The following CANX variants were observed in gnomAD, a reference collection of about 807,000 sequenced individuals.
CANX encodes epididymis secretory sperm binding protein.
A neutral mutation model predicts 75.7 loss-of-function variants in CANX; 14 were observed. The observed-to-expected ratio is 0.19, with a 90% confidence interval of 0.12 to 0.29. CANX has a LOEUF of 0.29. Among genes scored for constraint, CANX ranks in the 10% least tolerant of loss-of-function variants. The pLI, the probability that CANX is intolerant of heterozygous loss-of-function variation, is 1.00. For synonymous variants in CANX, 227 were observed against 236.9 expected, an observed-to-expected ratio of 0.96 and a Z score of 0.38; for missense variants, 567 against 713.2, an observed-to-expected ratio of 0.79 and a Z score of 2.34.
rs750534239 is a variant in CANX at position 179,706,323 on chromosome 5, T to A, written c.237T>A (p.Thr79=). 1 of 1,574,256 alleles carries A rather than the reference T, an allele frequency of 6.4e-7. No homozygotes were observed. The highest frequency in any genetic ancestry group is 1.3e-5 in the African/African-American group (1 of 74,088). Residue 79 remains threonine (T), a synonymous_variant, in exon 3 of 15, where the codon ACT becomes ACA. Transcript: ENST00000247461. The part of the protein sequence containing the change: ...VYFADSFDRG[T]LSGWILSKAK... Reference sequence around the variant, plus strand: ...TTGCTGATTCTTTTGACAGAGGAACTCTGTCAGGGTAAGTGTTTTCCAGAG... The same window carrying A: ...TTGCTGATTCTTTTGACAGAGGAACACTGTCAGGGTAAGTGTTTTCCAGAG...
At chr5:179,700,268 G>A (rs897383090) in intron 1 of CANX, 3 of 152,172 alleles carry the variant, frequency 2.0e-5, no homozygotes, top group Non-Finnish European at 4.4e-5. Context: ...ATTAACCATA[G>A]TTAAGTCTTT....
intron 1 of CANX, among the ~76,000 whole-genome samples, chr5:179,684,956 T>TTTTTTTTTTTTTTTA (rs1776163257): frequency 1.0e-5 from 1 of 98,932 alleles, no homozygotes; most frequent in Non-Finnish European, 2.1e-5. Context: ...TTTTTTTTTT[T>TTTTTTTTTTTTTTTA]ACTAGAGACA....
chr5:179,683,478 T>G (rs1224505347), intron 1 of CANX, among the ~76,000 whole-genome samples: 1 of 151,822 alleles, frequency 6.6e-6, no homozygotes. Flanking sequence ...TTCGATAATT[T>G]GTTATGTGAA....
chr5:179,679,065 GATCGGCCCA>G, intron 1 of CANX: 1 of 1,535,038 alleles, frequency 6.5e-7, no homozygotes, highest in East Asian at 2.4e-5. Context: ...CGCGAGATGT[GATCGGCCCA>G]AAACTGCTGC....
At chr5:179,685,781 C>G (rs1227880317) in intron 1 of CANX, among the ~76,000 whole-genome samples, 1 of 151,930 alleles carries the variant, frequency 6.6e-6, no homozygotes, top group African/African-American at 2.4e-5. Context: ...TCTCAAACTC[C>G]AGACTTCAGG....
chr5:179,679,127 TC>T, intron 1 of CANX: 1 of 1,535,620 alleles, frequency 6.5e-7, no homozygotes, highest in Non-Finnish European at 8.7e-7. Flanking sequence ...AGCCGAGCAC[TC>T]GAAGGTTGCC....
chr5:179,711,274 T>A (rs1321969423), intron 7 of CANX, among the ~76,000 whole-genome samples: 1 of 151,886 alleles, frequency 6.6e-6, no homozygotes, highest in Non-Finnish European at 1.5e-5. Context: ...TCTTAAGAAT[T>A]AACTGAGTAT....
intron 1 of CANX, among the ~76,000 whole-genome samples, chr5:179,689,684 C>T (rs6601065): frequency 0.25 from 38,592 of 152,036 alleles, 5,107 homozygotes; most frequent in Non-Finnish European, 0.29. Context: ...GCCACCACAC[C>T]CGGCCTCTTT....
intron 1 of CANX, among the ~76,000 whole-genome samples, chr5:179,685,721 A>T (rs1436194022): frequency 6.6e-6 from 1 of 151,070 alleles, no homozygotes; most frequent in African/African-American, 2.4e-5. Flanking sequence ...CGCCCAGCTA[A>T]TTTTTGTATT....
chr5:179,687,251 C>T (rs889963377), intron 1 of CANX, among the ~76,000 whole-genome samples: 10 of 152,096 alleles, frequency 6.6e-5, no homozygotes, highest in Non-Finnish European at 1.2e-4. Context: ...TACAGGCATG[C>T]GCCAACACGC....
At chr5:179,679,294 G>A (rs907609256) in intron 1 of CANX, 3 of 1,495,568 alleles carry the variant, frequency 2.0e-6, no homozygotes, top group Non-Finnish European at 2.7e-6. Flanking sequence ...GGTGAGCAGC[G>A]TGCTTGGTAC....
intron 1 of CANX, among the ~76,000 whole-genome samples, chr5:179,687,072 C>G (rs996635230): frequency 3.9e-5 from 6 of 152,052 alleles, no homozygotes; most frequent in South Asian, 2.1e-4. Context: ...CCACTGCACC[C>G]GGCCTGCAGT....
At chr5:179,695,721 G>A (rs555415761), upstream of CANX, among the ~76,000 whole-genome samples, 54 of 151,442 alleles carry the variant, frequency 3.6e-4, 2 homozygotes, top group South Asian at 0.011. Flanking sequence ...CGCAATCTCC[G>A]CTCACTGCAA....
intron 5 of CANX, 39 bp downstream of exon 5, chr5:179,708,419 G>C (rs1777306414): frequency 1.3e-6 from 2 of 1,585,086 alleles, no homozygotes; most frequent in Non-Finnish European, 1.7e-6. Context: ...TTTCTGCAAA[G>C]GGTAATCTTA....
upstream of CANX, among the ~76,000 whole-genome samples, chr5:179,697,858 A>C (rs7721256): frequency 0.038 from 5,813 of 152,276 alleles, 140 homozygotes; most frequent in African/African-American, 0.063. Context: ...ACTAGACTCC[A>C]GCCTGAGCGA....
intron 1 of CANX, chr5:179,679,330 G>C (rs6880839): frequency 1.5e-6 from 2 of 1,328,448 alleles, no homozygotes; most frequent in African/African-American, 2.9e-5. Context: ...CCGCGAGGCC[G>C]GCGGACATGT....
Position 179,716,102 on chromosome 5 carries a change from C to T in CANX, c.722-3C>T, listed in dbSNP as rs1287964352. 4 of 1,589,882 alleles carry T rather than the reference C, an allele frequency of 2.5e-6. No homozygotes were observed. In the East Asian group the frequency reaches 6.7e-5, roughly 27 times the overall value. On this transcript the variant is annotated splice_region_variant and splice_polypyrimidine_tract_variant and intron_variant, in intron 7 of 14. Transcript: ENST00000247461. The stretch of plus-strand genomic sequence containing the variant: ...TTTTAATTCCATTTAATGTTTCTTT[C>T]AGTCTTGAATCCAGATAATAGTTTT...
intron 1 of CANX, among the ~76,000 whole-genome samples, chr5:179,692,234 C>T (rs932024988): frequency 3.6e-4 from 55 of 152,074 alleles, no homozygotes; most frequent in Admixed American, 2.3e-3. Context: ...ACCACCATGC[C>T]CGGCTAATTT....
chr5:179,697,636 G>A (rs1208287581), upstream of CANX, among the ~76,000 whole-genome samples: 11 of 152,344 alleles, frequency 7.2e-5, no homozygotes, highest in Admixed American at 7.2e-4. Context: ...TTGGGGCGCC[G>A]TGGCTCACGC....
Sources: allele counts gnomAD v4.1 joint callset (sites outside exome capture counted in the v4.1 genomes callset), GRCh38; gene constraint gnomAD v4.1.1; transcripts MANE v1.5; gene names NCBI Gene and HGNC (gene_info 2026-07-23, HGNC 2026-07-21).